TMEM44: variants seen among roughly 807,000 people sequenced by gnomAD.
TMEM44 encodes the protein transmembrane protein 44.
A neutral mutation model predicts 47.8 loss-of-function variants in TMEM44; 43 were observed. That is an observed-to-expected ratio of 0.90 (90% CI 0.70 to 1.16). The LOEUF (loss-of-function observed/expected upper bound fraction) is 1.16, where lower values mean the gene tolerates loss of function less well. TMEM44 is among the 50% of genes most tolerant of loss of function. The probability of loss-of-function intolerance (pLI) is 0.00; values close to 1 mark genes in which losing one functional copy is unlikely to be tolerated. For missense variants in TMEM44, 568 were observed against 555.2 expected (o/e 1.02, Z -0.23); for synonymous variants, 277 against 238.8 (o/e 1.16, Z -1.48).
At chr3:194,620,000 A>G (rs1716343092) in intron 5 of TMEM44, among the ~76,000 whole-genome samples, 1 of 151,980 alleles carries the variant, frequency 6.6e-6, no homozygotes, top group Non-Finnish European at 1.5e-5. Context: ...CTTTTACTCA[A>G]CAGGAAGGGG....
intron 9 of TMEM44, among the ~76,000 whole-genome samples, chr3:194,593,308 G>A (rs1021005137): frequency 6.6e-6 from 1 of 152,060 alleles, no homozygotes; most frequent in Non-Finnish European, 1.5e-5. Flanking sequence ...AGGGCTGCAC[G>A]TCCTGGGAAA....
chr3:194,593,436 C>A (rs1461677387), intron 9 of TMEM44, among the ~76,000 whole-genome samples: 2 of 152,078 alleles, frequency 1.3e-5, no homozygotes, highest in Non-Finnish European at 2.9e-5. Flanking sequence ...TGAGATGATT[C>A]AACTCAAACC....
In TMEM44 at chr3:194,587,726, T is replaced by G. The variant is rs73890141; in HGVS notation, c.*803A>C. On this transcript the variant is annotated 3_prime_UTR_variant, in exon 10 of 10. Transcript: ENST00000347147. ...TTCACCCCAGTGTTCACTCCCACCTTAGCCCCATTCCATGCGCCCTTACCC... is the reference window on the plus strand; with the variant it reads ...TTCACCCCAGTGTTCACTCCCACCTGAGCCCCATTCCATGCGCCCTTACCC... 6.6e-6 allele frequency: 1 copy of G among 152,310 alleles called. No homozygotes were observed. Among genetic ancestry groups the G allele is most frequent in the Non-Finnish European group, 1.5e-5 (1 of 68,086 alleles). The allele number at this position is 152,310 out of a possible 1,614,324, so 9.4% of individuals were successfully genotyped here.
At chr3:194,594,942 T>A (rs1773178) in intron 9 of TMEM44, among the ~76,000 whole-genome samples, 1 of 151,980 alleles carries the variant, frequency 6.6e-6, no homozygotes, top group African/African-American at 2.4e-5. Context: ...CTAATGATAG[T>A]GTGCCTAAGG....
At chr3:194,620,756 T>C (rs1716435547) in intron 5 of TMEM44, among the ~76,000 whole-genome samples, 1 of 152,064 alleles carries the variant, frequency 6.6e-6, no homozygotes, top group African/African-American at 2.4e-5. Context: ...CCGGGCGTGG[T>C]GGCTCAAACC....
At chr3:194,618,538 T>A (rs1716192310) in intron 5 of TMEM44, among the ~76,000 whole-genome samples, 2 of 130,060 alleles carry the variant, frequency 1.5e-5, no homozygotes, top group African/African-American at 5.4e-5. Context: ...TAGTTTTATA[T>A]AAATTAAATT....
intron 8 of TMEM44, among the ~76,000 whole-genome samples, chr3:194,610,072 C>T (rs540375913): frequency 1.3e-5 from 2 of 151,960 alleles, no homozygotes; most frequent in Non-Finnish European, 2.9e-5. Context: ...AGTAAAAATA[C>T]AAAAATTAGC....
In TMEM44 at chr3:194,626,243, C is replaced by T. The variant is rs80176135; in HGVS notation, c.265-253G>A. 5.3e-3 allele frequency among the ~76,000 whole-genome samples: 807 copies of T among 152,332 alleles called. 32 individuals are homozygous for T. The East Asian group carries it at 0.098, about 18-fold the overall frequency. ...CACCAGCAGGGTTGGGATAAGAGCCCAGCCCTCCAGCTCTATTCCACACAC... is the reference window on the plus strand; with the variant it reads ...CACCAGCAGGGTTGGGATAAGAGCCTAGCCCTCCAGCTCTATTCCACACAC... On this transcript the variant is annotated intron_variant, in intron 2 of 9. Transcript: ENST00000347147.
intron 5 of TMEM44, among the ~76,000 whole-genome samples, chr3:194,621,233 G>A (rs1560190998): frequency 6.6e-6 from 1 of 152,172 alleles, no homozygotes; most frequent in Non-Finnish European, 1.5e-5. Flanking sequence ...CACAAGCCAA[G>A]GGGCTACCCG....
chr3:194,590,921 C>T (rs1159003601), intron 9 of TMEM44, among the ~76,000 whole-genome samples: 1 of 152,268 alleles, frequency 6.6e-6, no homozygotes, highest in Non-Finnish European at 1.5e-5. Flanking sequence ...AGGCCGGGCA[C>T]GGGGACTCAC....
At chr3:194,609,789 G>A (rs148996989) in intron 8 of TMEM44, among the ~76,000 whole-genome samples, 9 of 151,836 alleles carry the variant, frequency 5.9e-5, no homozygotes, top group Non-Finnish European at 1.3e-4. Context: ...CCTTTTCCTC[G>A]GGCTTCCAAC....
At chr3:194,621,756 A>C (rs1716563327) in intron 5 of TMEM44, among the ~76,000 whole-genome samples, 1 of 150,574 alleles carries the variant, frequency 6.6e-6, no homozygotes. Flanking sequence ...GTGCTCAGTC[A>C]CCTAGGATGG....
intron 3 of TMEM44, among the ~76,000 whole-genome samples, chr3:194,624,447 G>A (rs1341587879): frequency 6.6e-6 from 1 of 151,988 alleles, no homozygotes; most frequent in Non-Finnish European, 1.5e-5. Flanking sequence ...TTGAGACAGG[G>A]TCTCGCTGTC....
chr3:194,605,974 G>C (rs1714734732), intron 8 of TMEM44, among the ~76,000 whole-genome samples: 1 of 152,164 alleles, frequency 6.6e-6, no homozygotes, highest in Admixed American at 6.5e-5. Context: ...AACAAAGGCA[G>C]CATTCTGGAA....
intron 5 of TMEM44, among the ~76,000 whole-genome samples, chr3:194,620,989 C>A (rs1716474140): frequency 6.7e-6 from 1 of 148,938 alleles, no homozygotes; most frequent in Non-Finnish European, 1.5e-5. Context: ...TTGCATCATG[C>A]ACTCCAGTCT....
chr3:194,594,125 A>ATCTGTCTG (rs1484301999), intron 9 of TMEM44, among the ~76,000 whole-genome samples: 1,274 of 91,812 alleles, frequency 0.014, 22 homozygotes, highest in African/African-American at 0.041. Context: ...TTTTCTATCT[A>ATCTGTCTG]TCTATCTATC....
At chr3:194,604,524 T>G in intron 8 of TMEM44, 79 bp from the exon 9 acceptor site, 4 of 1,440,566 alleles carry the variant, frequency 2.8e-6, no homozygotes, top group Non-Finnish European at 3.7e-6. Context: ...ATTCACATAC[T>G]TCAGTGTTCA....
chr3:194,602,025 C>T (rs1714192353), intron 9 of TMEM44, among the ~76,000 whole-genome samples: 1 of 152,226 alleles, frequency 6.6e-6, no homozygotes, highest in Non-Finnish European at 1.5e-5. Flanking sequence ...TGCCATCATG[C>T]TCACTCCGGT....
In TMEM44 at chr3:194,623,605, G is replaced by A. The variant is rs1716820157; in HGVS notation, c.449C>T (p.Ala150Val). The A allele has an allele frequency of 1.2e-6, 2 of 1,612,454 alleles. No individual in the cohort carries two copies. Among genetic ancestry groups the A allele is most frequent in the Middle Eastern group, 1.7e-4 (1 of 6,050 alleles). ...AGCCTTCGGGACAGCAACCCACAGA[G>A]CCCAGCACGGGCCCAGGCTCAGCGG... ...ALPLSLGPCW[A>V]LWVAVPKASA... The change falls in exon 4 of 10, where the codon GCT (alanine) becomes GTT (valine). Residue 150 changes from alanine to valine, a missense_variant. Coordinates refer to ENST00000347147, the MANE Select transcript of TMEM44 (RefSeq NM_001011655.3).
Sources: allele counts gnomAD v4.1 joint callset (sites outside exome capture counted in the v4.1 genomes callset), GRCh38; gene constraint gnomAD v4.1.1; transcripts MANE v1.5; gene names NCBI Gene and HGNC (gene_info 2026-07-23, HGNC 2026-07-21).